SERPINF2: variants seen among roughly 807,000 people sequenced by gnomAD.
The protein encoded by SERPINF2 is alpha-2-antiplasmin.
In SERPINF2, 15 loss-of-function variants were observed where a neutral mutation model predicts 45.0. That is an observed-to-expected ratio of 0.33 (90% CI 0.22 to 0.51). The LOEUF is 0.51. SERPINF2 is among the 20% of genes least tolerant of loss of function. SERPINF2 has a pLI of 0.97. For missense variants in SERPINF2, 518 were observed against 637.4 expected (o/e 0.81, Z 2.02); for synonymous variants, 283 against 277.9 (o/e 1.02, Z -0.18).
rs1407816083 is a variant in SERPINF2 at position 1,747,461 on chromosome 17, G to A, written c.664G>A (p.Gly222Arg). The A allele has an allele frequency of 5.6e-6, 9 of 1,614,148 alleles. No individual in the cohort carries two copies. The highest frequency in any genetic ancestry group is 7.6e-6 in the Non-Finnish European group (9 of 1,180,034). The change falls in exon 7 of 10, where the codon GGG (glycine) becomes AGG (arginine). Residue 222 changes from glycine to arginine, a missense_variant. Gly to Arg is a moderately radical substitution (Grantham distance 125, BLOSUM62 -2). Transcript: ENST00000453066. The part of the protein sequence containing the change: ...TEGKIQEFLS[G>R]LPEDTVLLLL... ...GGGGAAGATTCAGGAATTCCTCTCTGGGCTGCCGGAAGACACCGTGTTGCT... is the reference window on the plus strand; with the variant it reads ...GGGGAAGATTCAGGAATTCCTCTCTAGGCTGCCGGAAGACACCGTGTTGCT...
In SERPINF2 at chr17:1,754,592, ACT is replaced by A; in HGVS notation, c.*61_*62del. 1 of 1,542,072 alleles carries A rather than the reference ACT, an allele frequency of 6.5e-7. No homozygotes were observed. The highest frequency in any genetic ancestry group is 8.7e-7 in the Non-Finnish European group (1 of 1,150,444). On this transcript the variant is annotated 3_prime_UTR_variant, in exon 10 of 10. Coordinates refer to ENST00000453066, the MANE Select transcript of SERPINF2 (RefSeq NM_000934.4). ...CTGGACCAGCCTCTCCACTCATGTG[ACT>A]CTTTCCAACCGGCTTTGTGGCACTG...
Position 1,754,670 on chromosome 17 carries a change from T to TC in SERPINF2, c.*136_*137insC. The TC allele has an allele frequency of 3.0e-6, 1 of 337,892 alleles. No homozygotes were observed. 20.9% of individuals were successfully genotyped at this position (337,892 alleles called of 1,614,324 possible). ...AGAGGCCATTCTTTCCCAACACCTC[T>TC]TGGGGAGTTTAGGGTGGGGGGGGGG... On this transcript the variant is annotated 3_prime_UTR_variant, in exon 10 of 10. Coordinates refer to ENST00000453066, the MANE Select transcript of SERPINF2 (RefSeq NM_000934.4).
Position 1,754,969 on chromosome 17 carries a change from G to T in SERPINF2, c.*435G>T. ...GACGGGCCCTGGTGGTGGCTCGGGA[G>T]GCGAAGCGTTGTCCTCAGCCCCGCG... On this transcript the variant is annotated 3_prime_UTR_variant, in exon 10 of 10. Coordinates refer to ENST00000453066, the MANE Select transcript of SERPINF2 (RefSeq NM_000934.4). 1 of 223,900 alleles carries T rather than the reference G, an allele frequency of 4.5e-6. No homozygotes were observed. The highest frequency in any genetic ancestry group is 8.7e-5 in the South Asian group (1 of 11,524). 13.9% of individuals were successfully genotyped at this position (223,900 alleles called of 1,614,324 possible).
intron 6 of SERPINF2, 46 bp downstream of exon 6, chr17:1,747,208 A>G: frequency 6.2e-7 from 1 of 1,610,968 alleles, no homozygotes; most frequent in South Asian, 1.1e-5. Flanking sequence ...CCCTGGGTGG[A>G]GGAGGGTGAG....
Position 1,748,708 on chromosome 17 carries a change from C to CTCCAGCAAGAACCAGCGCA in SERPINF2, c.826_827insTCCAGCAAGAACCAGCGCA (p.Arg276LeufsTer15). 2 of 1,552,032 alleles carry CTCCAGCAAGAACCAGCGCA rather than the reference C, an allele frequency of 1.3e-6. No individual in the cohort carries two copies. Among genetic ancestry groups the CTCCAGCAAGAACCAGCGCA allele is most frequent in the Non-Finnish European group, 1.8e-6 (2 of 1,123,404 alleles). On this transcript the variant is annotated frameshift_variant, in exon 8 of 10. Coordinates refer to ENST00000453066, the MANE Select transcript of SERPINF2 (RefSeq NM_000934.4). LOFTEE classifies it high-confidence loss of function. ...GATGCAGGCCCGCACGTACCCGCTGCGCTGGTTCTTGCTGGAGCAGCCTGA... is the reference window on the plus strand; with the variant it reads ...GATGCAGGCCCGCACGTACCCGCTGCTCCAGCAAGAACCAGCGCAGCTGGTTCTTGCTGGAGCAGCCTGA...
Position 1,751,611 on chromosome 17 carries a change from G to A in SERPINF2, c.859-975G>A, listed in dbSNP as rs527922133. On this transcript the variant is annotated intron_variant, in intron 8 of 9. Coordinates refer to ENST00000453066, the MANE Select transcript of SERPINF2 (RefSeq NM_000934.4). The stretch of plus-strand genomic sequence containing the variant: ...CTTCTAAAAATACAAAAAATTAGCC[G>A]GGCGTAGTGGCGGGCACCTGTAATC... 5.8e-4 allele frequency among the ~76,000 whole-genome samples: 78 copies of A among 133,540 alleles called. 17 individuals carry two copies. In the South Asian group the frequency reaches 0.015, roughly 26 times the overall value. 87.6% of individuals were successfully genotyped at this position (133,540 alleles called of 152,430 possible).
chr17:1,754,780 C>T lies in SERPINF2; in HGVS notation c.*246C>T, dbSNP rs1906717402. 1 of 545,756 alleles carries T rather than the reference C, an allele frequency of 1.8e-6. No individual in the cohort carries two copies. Among genetic ancestry groups the T allele is most frequent in the Non-Finnish European group, 3.2e-6 (1 of 314,536 alleles). The allele number at this position is 545,756 out of a possible 1,614,324, so 33.8% of individuals were successfully genotyped here. ...AAACAGGCTCAGAGGGTGTCCTGCA[C>T]CGGGGCCTGGGCAGGAGGGAGGTGC... On this transcript the variant is annotated 3_prime_UTR_variant, in exon 10 of 10. Coordinates refer to ENST00000453066, the MANE Select transcript of SERPINF2 (RefSeq NM_000934.4).
At chr17:1,744,914 T>A in intron 1 of SERPINF2, 78 bp from the exon 2 acceptor site, 1 of 1,609,134 alleles carries the variant, frequency 6.2e-7, no homozygotes, top group Non-Finnish European at 8.5e-7. Context: ...CTTGGCGTTA[T>A]CTGTGATCGC....
chr17:1,743,283 G>A (rs1484696512), intron 1 of SERPINF2, among the ~76,000 whole-genome samples: 1 of 152,232 alleles, frequency 6.6e-6, no homozygotes, highest in Non-Finnish European at 1.5e-5. Context: ...AAGTGCAGAG[G>A]TGGCTCTGGC....
At position 1,754,165 on chromosome 17, in the gene SERPINF2, C is replaced by T. The variant is rs148395057; in HGVS notation, c.1107C>T (p.Ser369=). The change falls in exon 10 of 10, where the codon TCC becomes TCT. Residue 369 remains serine (S), a synonymous_variant. Transcript: ENST00000453066. ...LFQAPDLRGI[S]EQSLVVSGVQ... ...AGGCCCCAGACCTGCGTGGGATCTC[C>T]GAGCAGAGCCTGGTGGTGTCCGGCG... 12,284 of 1,610,648 alleles carry T rather than the reference C, an allele frequency of 7.6e-3. 68 individuals are homozygous for T. Among genetic ancestry groups the T allele is most frequent in the Non-Finnish European group, 9.3e-3 (11,008 of 1,180,016 alleles).
Position 1,745,687 on chromosome 17 carries a change from A to C in SERPINF2, c.166-21A>C, listed in dbSNP as rs1384583218. On this transcript the variant is annotated intron_variant, in intron 4 of 9. Transcript: ENST00000453066. This position sits in a 1 kb window ranked among gnomAD's most constrained non-coding sequence, Gnocchi z 6.2. ...TGGAGCTGACCCCTTGACCTCCCTG[A>C]CCCCTGATCTGTCCCTGCAGGAGCC... 1.2e-6 allele frequency: 2 copies of C among 1,611,010 alleles called. No individual in the cohort carries two copies. The highest frequency in any genetic ancestry group is 1.1e-5 in the South Asian group (1 of 91,008).
intron 8 of SERPINF2, among the ~76,000 whole-genome samples, chr17:1,749,755 T>C (rs562913156): frequency 1.3e-5 from 2 of 152,206 alleles, no homozygotes; most frequent in East Asian, 3.9e-4. Flanking sequence ...GGGCATTGAA[T>C]TGAGACTCAG....
intron 1 of SERPINF2, among the ~76,000 whole-genome samples, chr17:1,744,258 C>G (rs897840676): frequency 6.6e-6 from 1 of 151,294 alleles, no homozygotes; most frequent in Non-Finnish European, 1.5e-5. Context: ...TTTGGGAGGC[C>G]GAGGCAGGAG....
chr17:1,744,512 A>G (rs1905611327), intron 1 of SERPINF2: 1 of 982,480 alleles, frequency 1.0e-6, no homozygotes, highest in Non-Finnish European at 1.2e-6. Context: ...AACAACAAAA[A>G]ATCCCAAAAA....
intron 9 of SERPINF2, among the ~76,000 whole-genome samples, chr17:1,753,127 G>A (rs938392221): frequency 5.9e-5 from 9 of 152,212 alleles, no homozygotes; most frequent in African/African-American, 2.2e-4. Context: ...AAGAAATGCT[G>A]GGTGGAGTGG....
intron 8 of SERPINF2, among the ~76,000 whole-genome samples, chr17:1,751,297 C>T (rs1906372152): frequency 1.3e-5 from 2 of 150,942 alleles, no homozygotes; most frequent in South Asian, 4.2e-4. Flanking sequence ...AAAAATACAT[C>T]AATTGGCCAG....
chr17:1,754,797 G>C lies in SERPINF2; in HGVS notation c.*263G>C. ...GTCCTGCACCGGGGCCTGGGCAGGAGGGAGGTGCTTCTAGTTCTGCCAGGA... is the reference window on the plus strand; with the variant it reads ...GTCCTGCACCGGGGCCTGGGCAGGACGGAGGTGCTTCTAGTTCTGCCAGGA... On this transcript the variant is annotated 3_prime_UTR_variant, in exon 10 of 10. Transcript: ENST00000453066. 1.9e-6 allele frequency: 1 copy of C among 533,060 alleles called. No homozygotes were observed. The highest frequency in any genetic ancestry group is 3.3e-6 in the Non-Finnish European group (1 of 305,916). 33.0% of individuals were successfully genotyped at this position (533,060 alleles called of 1,614,324 possible). A position where few individuals can be genotyped will look rare whatever the true frequency, so the allele number is the denominator to read the frequency against.
intron 8 of SERPINF2, 149 bp downstream of exon 8, chr17:1,748,889 A>G (rs1906117250): frequency 5.6e-6 from 4 of 717,740 alleles, no homozygotes; most frequent in Non-Finnish European, 1.0e-5. Flanking sequence ...AAAAGGTCCC[A>G]TGATCCCCCA....
intron 8 of SERPINF2, among the ~76,000 whole-genome samples, chr17:1,752,033 C>T (rs1401571992): frequency 7.2e-6 from 1 of 138,172 alleles, no homozygotes; most frequent in Non-Finnish European, 1.6e-5. Flanking sequence ...TCTGTGACAG[C>T]GGACACTGCT....
Sources: allele counts gnomAD v4.1 joint callset (sites outside exome capture counted in the v4.1 genomes callset), GRCh38; gene constraint gnomAD v4.1.1; non-coding constraint Gnocchi (gnomAD v3.1); transcripts MANE v1.5; gene names NCBI Gene and HGNC (gene_info 2026-07-23, HGNC 2026-07-21).